MCM10: variants seen among roughly 807,000 people sequenced by gnomAD.
The protein encoded by MCM10 is minichromosome maintenance 10 replication initiation factor.
In MCM10, 91 loss-of-function variants were observed where a neutral mutation model predicts 109.9. That is an observed-to-expected ratio of 0.83 (90% CI 0.70 to 0.99). The LOEUF is 0.99. Among genes scored for constraint, MCM10 ranks in the 50% least tolerant of loss-of-function variants. The pLI is 0.00. For synonymous variants in MCM10, 380 were observed against 387.2 expected (o/e 0.98, Z 0.22); for missense variants, 1,077 against 1,061.2 (o/e 1.01, Z -0.21).
At chr10:13,195,606 A>G (rs982352882) in intron 14 of MCM10, 1 of 82,706 alleles carries the variant, frequency 1.2e-5, no homozygotes, top group Non-Finnish European at 2.8e-5. Context: ...TTATTTATTT[A>G]TTTATTTATT....
Position 13,192,462 on chromosome 10 carries a change from A to G in MCM10, c.1639A>G (p.Ser547Gly). The G allele has an allele frequency of 6.2e-7, 1 of 1,614,152 alleles. No homozygotes were observed. The highest frequency in any genetic ancestry group is 8.5e-7 in the Non-Finnish European group (1 of 1,180,030). ...AKATASGIMG[S>G]PKPAIKSISA... ...GGCTTCTGTTTCAGGGATTATGGGG[A>G]GCCCAAAACCAGCCATCAAGTCCAT... The change falls in exon 13 of 20, where the codon AGC (serine) becomes GGC (glycine). Residue 547 changes from serine to glycine, a missense_variant. Coordinates refer to ENST00000378714, the MANE Select transcript of MCM10 (RefSeq NM_018518.5).
chr10:13,194,882 G>A (rs191366101), intron 13 of MCM10, among the ~76,000 whole-genome samples, 159 bp from the exon 14 acceptor site: 4 of 152,260 alleles, frequency 2.6e-5, no homozygotes, highest in East Asian at 3.9e-4. Flanking sequence ...TGTTCTTATC[G>A]TGTGCAAATT....
intron 18 of MCM10, chr10:13,204,583 TA>T (rs1258000765): frequency 2.0e-6 from 1 of 493,320 alleles, no homozygotes; most frequent in Non-Finnish European, 3.6e-6. Flanking sequence ...GCCTGGCCCA[TA>T]AGGGGTCCTC....
chr10:13,165,490 G>A (rs1833983919), intron 2 of MCM10, among the ~76,000 whole-genome samples: 1 of 152,196 alleles, frequency 6.6e-6, no homozygotes, highest in Admixed American at 6.5e-5. Context: ...TTTGCTATCA[G>A]ATTGACATGA....
intron 6 of MCM10, among the ~76,000 whole-genome samples, chr10:13,179,831 G>A (rs181541620): frequency 1.3e-5 from 2 of 152,294 alleles, no homozygotes; most frequent in East Asian, 3.9e-4. Flanking sequence ...TTGTAATAAA[G>A]TAAAAAAGAT....
intron 2 of MCM10, among the ~76,000 whole-genome samples, chr10:13,165,730 C>A (rs1394339538): frequency 6.6e-6 from 1 of 151,774 alleles, no homozygotes; most frequent in African/African-American, 2.4e-5. Context: ...CAAAAATTAA[C>A]CTGGTGTGGT....
In MCM10 at chr10:13,185,205, C is replaced by T. The variant is rs139457999; in HGVS notation, c.1099-959C>T. Among the ~76,000 whole-genome samples, 1,498 of 152,132 alleles carry T rather than the reference C, an allele frequency of 9.8e-3. 12 individuals carry two copies. The highest frequency in any genetic ancestry group is 0.013 in the Non-Finnish European group (901 of 68,000). On this transcript the variant is annotated intron_variant, in intron 8 of 19. Coordinates refer to ENST00000378714, the MANE Select transcript of MCM10 (RefSeq NM_018518.5). ...GCTCATGGCTCTCTTCACCCTGCAG[C>T]GGAGGGATTATGAAAGCACCCTGAT... is the stretch of plus-strand genomic sequence containing the variant.
chr10:13,190,190 G>A (rs1334435388), intron 10 of MCM10, among the ~76,000 whole-genome samples: 1 of 152,084 alleles, frequency 6.6e-6, no homozygotes, highest in Non-Finnish European at 1.5e-5. Context: ...ATAGATTTTT[G>A]TTCCCAATCC....
At position 13,171,041 on chromosome 10, in the gene MCM10, G is replaced by C. The variant is rs1834064843; in HGVS notation, c.127G>C (p.Asp43His). ...GGAAAATGGCGAGCCCGACGCATTT[G>C]ATGAGCTCTTTGATGCCGACGGCGA... Reference protein sequence around the residue: ...TRENGEPDAFDELFDADGDGE... With the variant: ...TRENGEPDAFHELFDADGDGE... Residue 43 changes from aspartate (D) to histidine (H), a missense_variant, in exon 3 of 20, where the codon GAT becomes CAT. By Grantham distance (81) the Asp-to-His change is moderately conservative (BLOSUM62 -1). Coordinates refer to ENST00000378714, the MANE Select transcript of MCM10 (RefSeq NM_018518.5). 3 of 1,614,106 alleles carry C rather than the reference G, an allele frequency of 1.9e-6. No homozygotes were observed. The highest frequency in any genetic ancestry group is 2.5e-6 in the Non-Finnish European group (3 of 1,180,054).
At chr10:13,186,023 G>C in intron 8 of MCM10, 141 bp from the exon 9 acceptor site, 1 of 568,580 alleles carries the variant, frequency 1.8e-6, no homozygotes, top group Non-Finnish European at 3.2e-6. Flanking sequence ...CGGCCTCCCA[G>C]AGTGCTAGGA....
intron 2 of MCM10, among the ~76,000 whole-genome samples, chr10:13,168,216 G>A (rs1241932971): frequency 6.6e-6 from 1 of 152,206 alleles, no homozygotes; most frequent in Non-Finnish European, 1.5e-5. Context: ...GACATTCTCA[G>A]AGCACAGGGG....
chr10:13,202,186 C>G (rs1031444468), intron 17 of MCM10, among the ~76,000 whole-genome samples: 2 of 151,966 alleles, frequency 1.3e-5, no homozygotes, highest in African/African-American at 4.8e-5. Flanking sequence ...TCGTGAGACC[C>G]CATCTCAACA....
intron 18 of MCM10, 118 bp from the exon 19 acceptor site, chr10:13,208,973 C>T: frequency 6.6e-6 from 5 of 755,668 alleles, no homozygotes; most frequent in Non-Finnish European, 1.2e-5. Context: ...ACGAATGTCA[C>T]CTTGAACAGC....
intron 15 of MCM10, 77 bp downstream of exon 15, chr10:13,197,844 C>T: frequency 6.9e-7 from 1 of 1,444,816 alleles, no homozygotes; most frequent in Non-Finnish European, 9.4e-7. Context: ...CAAACCAGCA[C>T]CCAGATATCA....
At chr10:13,188,539 A>G (rs1364387889) in intron 9 of MCM10, among the ~76,000 whole-genome samples, 1 of 109,546 alleles carries the variant, frequency 9.1e-6, no homozygotes. Context: ...ACTTCCTTTT[A>G]TATTAAATAA....
chr10:13,180,521 A>T lies in MCM10; in HGVS notation c.844A>T (p.Lys282Ter), dbSNP rs750190444. The T allele has an allele frequency of 6.2e-7, 1 of 1,614,164 alleles. No individual in the cohort carries two copies. The change falls in exon 7 of 20, where the codon AAG becomes TAG. Residue 282 changes from lysine to a stop codon, truncating the protein, a stop_gained. Transcript: ENST00000378714. LOFTEE classifies it high-confidence loss of function. ...GATCAGACTGTCTCAGATCAAGGAAAAGATGGCCAGAGAGAAGCTGGAAGA... is the reference window on the plus strand; with the variant it reads ...GATCAGACTGTCTCAGATCAAGGAATAGATGGCCAGAGAGAAGCTGGAAGA... Reference protein sequence around the residue: ...KLIRLSQIKEKMAREKLEEID... With the variant: ...KLIRLSQIKE
In MCM10 at chr10:13,172,869, G is replaced by A; in HGVS notation, c.592+104G>A. ...GTCTGTGTCTTTTGGTCTGTCTTATGTCCCCATTGAGAAAGAAAGTTTCTT... is the reference window on the plus strand; with the variant it reads ...GTCTGTGTCTTTTGGTCTGTCTTATATCCCCATTGAGAAAGAAAGTTTCTT... On this transcript the variant is annotated intron_variant, in intron 5 of 19. Transcript: ENST00000378714. This position sits in a 1 kb window ranked among gnomAD's most constrained non-coding sequence, Gnocchi z 5.2. 2 of 1,082,104 alleles carry A rather than the reference G, an allele frequency of 1.8e-6. No homozygotes were observed. The highest frequency in any genetic ancestry group is 1.6e-5 in the South Asian group (1 of 60,912). 67.0% of individuals were successfully genotyped at this position (1,082,104 alleles called of 1,614,324 possible).
At chr10:13,166,720 G>A (rs1188216198) in intron 2 of MCM10, among the ~76,000 whole-genome samples, 2 of 149,326 alleles carry the variant, frequency 1.3e-5, no homozygotes, top group African/African-American at 5.0e-5. Context: ...TGGGGAGTGG[G>A]CATAGGAGGT....
At chr10:13,169,732 G>C (rs185682422) in intron 2 of MCM10, among the ~76,000 whole-genome samples, 1 of 152,304 alleles carries the variant, frequency 6.6e-6, no homozygotes, top group East Asian at 1.9e-4. Context: ...TTGAGATGGA[G>C]TCTCGCCCTG....
Sources: allele counts gnomAD v4.1 joint callset (sites outside exome capture counted in the v4.1 genomes callset), GRCh38; gene constraint gnomAD v4.1.1; non-coding constraint Gnocchi (gnomAD v3.1); transcripts MANE v1.5; gene names NCBI Gene and HGNC (gene_info 2026-07-23, HGNC 2026-07-21).